The following BLTP3B variants were observed in gnomAD, a reference collection of about 807,000 sequenced individuals.
The protein encoded by BLTP3B is bridge-like lipid transfer protein family member 3B, also known as UHRF1 (ICBP90) binding protein 1-like.
the BLTP3B span, among the ~76,000 whole-genome samples, chr12:100,138,860 T>TAC: frequency 1.4e-5 from 2 of 141,526 alleles, no homozygotes; most frequent in Admixed American, 1.4e-4. Flanking sequence ...TGTATACACA[T>TAC]ACACATACAC....
the BLTP3B span, among the ~76,000 whole-genome samples, chr12:100,117,646 C>T: frequency 6.6e-6 from 1 of 151,790 alleles, no homozygotes; most frequent in Admixed American, 6.6e-5. Context: ...TCAACATGCC[C>T]AGCACCACCA....
chr12:100,106,495 G>A, the BLTP3B span, among the ~76,000 whole-genome samples: 5 of 152,292 alleles, frequency 3.3e-5, no homozygotes, highest in South Asian at 4.1e-4. Flanking sequence ...TCTAAGTGAA[G>A]TAACATGAAT....
chr12:100,072,943 T>G, the BLTP3B span: 1 of 910,810 alleles, frequency 1.1e-6, no homozygotes, highest in Non-Finnish European at 1.6e-6. Flanking sequence ...GTGTAAACTT[T>G]ATTATATATT....
chr12:100,081,487 G>C, the BLTP3B span, among the ~76,000 whole-genome samples: 3 of 152,240 alleles, frequency 2.0e-5, no homozygotes, highest in East Asian at 5.8e-4. Flanking sequence ...TGTCACTGGG[G>C]TTTGGTGTAT....
At chr12:100,069,880 AAATAAAATAG>A in the BLTP3B span, 1 of 909,656 alleles carries the variant, frequency 1.1e-6, no homozygotes, top group Admixed American at 5.8e-5. Context: ...TTTTAAATAA[AAATAAAATAG>A]AATAAAATTT....
chr12:100,050,292 A>C, the BLTP3B span: 1 of 1,607,034 alleles, frequency 6.2e-7, no homozygotes, highest in Non-Finnish European at 8.5e-7. Flanking sequence ...CATTAACACC[A>C]GTAATTTTAA....
chr12:100,074,414 C>T, the BLTP3B span, among the ~76,000 whole-genome samples: 2 of 152,120 alleles, frequency 1.3e-5, no homozygotes, highest in African/African-American at 4.8e-5. Flanking sequence ...GCGTGGCCAA[C>T]ATGGCGAAAC....
chr12:100,083,559 A>G, the BLTP3B span, among the ~76,000 whole-genome samples: 1 of 152,156 alleles, frequency 6.6e-6, no homozygotes, highest in Non-Finnish European at 1.5e-5. Context: ...AGCTAGTAAG[A>G]GCAGATTTTG....
the BLTP3B span, among the ~76,000 whole-genome samples, chr12:100,057,266 T>C: frequency 6.6e-6 from 1 of 152,300 alleles, no homozygotes; most frequent in African/African-American, 2.4e-5. Context: ...GAGTATCTGG[T>C]TAAAAGAAAC....
the BLTP3B span, among the ~76,000 whole-genome samples, chr12:100,088,187 A>C: frequency 6.6e-6 from 1 of 152,186 alleles, no homozygotes; most frequent in Non-Finnish European, 1.5e-5. Context: ...GAGATCAGAT[A>C]ACTCTATTGT....
At chr12:100,086,378 G>GA in the BLTP3B span, 1 of 749,328 alleles carries the variant, frequency 1.3e-6, no homozygotes, top group Non-Finnish European at 2.1e-6. Flanking sequence ...AAAAAGGGGG[G>GA]GGGGGAAATA....
the BLTP3B span, chr12:100,037,383 A>T: frequency 8.6e-7 from 1 of 1,159,028 alleles, no homozygotes; most frequent in Non-Finnish European, 1.1e-6. Flanking sequence ...ATTTTACACT[A>T]TGTGTTGACT....
At chr12:100,078,102 T>C in the BLTP3B span, among the ~76,000 whole-genome samples, 79 of 152,306 alleles carry the variant, frequency 5.2e-4, no homozygotes, top group Non-Finnish European at 9.8e-4. Flanking sequence ...TGTTCAATTG[T>C]AATCCCCAGT....
the BLTP3B span, among the ~76,000 whole-genome samples, chr12:100,045,895 A>C: frequency 2.6e-5 from 4 of 152,196 alleles, no homozygotes; most frequent in South Asian, 8.3e-4. Context: ...AAAATCAAAC[A>C]ACCCCATTAA....
chr12:100,066,356 A>C, the BLTP3B span, among the ~76,000 whole-genome samples: 1 of 152,170 alleles, frequency 6.6e-6, no homozygotes, highest in South Asian at 2.1e-4. Flanking sequence ...CTAACACTGG[A>C]GTTCCCAAAT....
the BLTP3B span, among the ~76,000 whole-genome samples, chr12:100,137,946 G>T: frequency 6.6e-6 from 1 of 152,062 alleles, no homozygotes; most frequent in Admixed American, 6.6e-5. Context: ...GACAAAACTG[G>T]GTCACAAAGG....
At chr12:100,123,966 GTT>G in the BLTP3B span, among the ~76,000 whole-genome samples, 2 of 152,118 alleles carry the variant, frequency 1.3e-5, no homozygotes, top group Admixed American at 1.3e-4. Flanking sequence ...TCAATTTGTT[GTT>G]AACCTTTAAA....
At chr12:100,088,774 CT>C in the BLTP3B span, 4 of 617,704 alleles carry the variant, frequency 6.5e-6, no homozygotes, top group African/African-American at 7.7e-5. Flanking sequence ...CCAGTTGTGC[CT>C]TTCATCTATA....
the BLTP3B span, among the ~76,000 whole-genome samples, chr12:100,116,405 T>C: frequency 2.5e-5 from 3 of 121,266 alleles, no homozygotes; most frequent in Non-Finnish European, 4.8e-5. Flanking sequence ...GCCTAGATCA[T>C]ACCACCACAC....
Sources: allele counts gnomAD v4.1 joint callset (sites outside exome capture counted in the v4.1 genomes callset), GRCh38; gene constraint gnomAD v4.1.1; transcripts MANE v1.5; gene names NCBI Gene and HGNC (gene_info 2026-07-23, HGNC 2026-07-21).